Variants in PDE11A observed in about 807,000 individuals in gnomAD.
The protein encoded by PDE11A is phosphodiesterase 11A, also known as dual 3',5'-cyclic-AMP and -GMP phosphodiesterase 11A.
In PDE11A, 100 loss-of-function variants were observed where a neutral mutation model predicts 100.5. The ratio of observed to expected loss-of-function variants is 1.00; its 90% CI spans 0.85 to 1.18. PDE11A has a LOEUF of 1.18. Ranked by LOEUF, PDE11A falls within the 50% of genes most tolerant of loss-of-function variation. PDE11A has a pLI of 0.00. For missense variants in PDE11A, 1,141 were observed against 1,152.6 expected, an observed-to-expected ratio of 0.99 and a Z score of 0.15; for synonymous variants, 381 against 420.8, an observed-to-expected ratio of 0.91 and a Z score of 1.16.
intron 2 of PDE11A, chr2:177,922,097 G>A (rs941641627): frequency 6.6e-6 from 1 of 151,852 alleles, no homozygotes; most frequent in African/African-American, 2.4e-5. Context: ...AGCATTCCTC[G>A]AGGCTTGATT....
Position 178,104,441 on chromosome 2 carries a change from G to A in PDE11A, c.23C>T (p.Pro8Leu). 6.2e-7 allele frequency: 1 copy of A among 1,613,972 alleles called. No homozygotes were observed. Among genetic ancestry groups the A allele is most frequent in the Non-Finnish European group, 8.5e-7 (1 of 1,179,958 alleles). The change falls in exon 2 of 21, where the codon CCT becomes CTT. Residue 8 changes from proline (P) to leucine (L), a missense_variant. Physicochemically the swap from Pro to Leu is moderately conservative, Grantham distance 98. Coordinates refer to the PDE11A transcript ENST00000358450. ...GGCACTGAGCACATTTCTGAATAAA[G>A]GTCTTCTTGCCTGCTTCAGCATCTC...
chr2:178,026,915 C>G (rs1180190160), intron 1 of PDE11A, among the ~76,000 whole-genome samples: 1 of 151,982 alleles, frequency 6.6e-6, no homozygotes, highest in Non-Finnish European at 1.5e-5. Flanking sequence ...AGAATAAAGA[C>G]TTAAATGTAC....
intron 2 of PDE11A, chr2:178,011,859 G>A (rs1213212536): frequency 1.3e-5 from 2 of 152,158 alleles, no homozygotes; most frequent in African/African-American, 2.4e-5. Context: ...CTTGCCCAAG[G>A]TTACTGAGGC....
chr2:178,042,124 G>T (rs1374635066), intron 1 of PDE11A, among the ~76,000 whole-genome samples: 2 of 152,130 alleles, frequency 1.3e-5, no homozygotes, highest in Non-Finnish European at 2.9e-5. Context: ...GCCTCAGCTG[G>T]CTTCACATAC....
rs537121870 is a variant in PDE11A at position 177,791,428 on chromosome 2, C to T, written c.1738-22055G>A. 4.3e-4 allele frequency among the ~76,000 whole-genome samples: 64 copies of T among 149,398 alleles called. 1 individual carries two copies. Among genetic ancestry groups the T allele is most frequent in the African/African-American group, 1.5e-3 (62 of 40,604 alleles). ...GGGAGGGATAGCATTAGGAGATATACCTAATGTTAAATGACGAGTTAATGG... is the reference window on the plus strand; with the variant it reads ...GGGAGGGATAGCATTAGGAGATATATCTAATGTTAAATGACGAGTTAATGG... On this transcript the variant is annotated intron_variant, in intron 9 of 19. Coordinates refer to ENST00000286063, the MANE Select transcript of PDE11A (RefSeq NM_016953.4).
At position 177,775,854 on chromosome 2, in the gene PDE11A, A is replaced by G. The variant is rs1574129783; in HGVS notation, c.1738-6481T>C. On this transcript the variant is annotated intron_variant, in intron 9 of 19. Coordinates refer to ENST00000286063, the MANE Select transcript of PDE11A (RefSeq NM_016953.4). ...CTGTTTCCTTCATGCCACTTGCACA[A>G]TTGGAGTTGCCTGTTATCTTATTCA... Among the ~76,000 whole-genome samples the G allele has an allele frequency of 2.0e-5, 3 of 152,132 alleles. No individual in the cohort carries two copies. In the South Asian group the frequency reaches 6.2e-4, roughly 32 times the overall value.
chr2:178,002,622 G>A (rs534130717), intron 2 of PDE11A, among the ~76,000 whole-genome samples: 3 of 152,218 alleles, frequency 2.0e-5, no homozygotes, highest in East Asian at 3.9e-4. Context: ...TGGTCGAATT[G>A]GCTTAGGTCA....
intron 12 of PDE11A, among the ~76,000 whole-genome samples, chr2:177,719,031 C>G (rs936364823): frequency 2.6e-5 from 4 of 152,156 alleles, no homozygotes; most frequent in African/African-American, 9.7e-5. Flanking sequence ...GCACTGTTTT[C>G]TAAAGAGAAG....
At chr2:177,765,559 C>T (rs747952162) in intron 10 of PDE11A, among the ~76,000 whole-genome samples, 4 of 152,212 alleles carry the variant, frequency 2.6e-5, no homozygotes, top group Non-Finnish European at 5.9e-5. Flanking sequence ...TAGGAAGGGG[C>T]CCTGCCACGG....
chr2:177,829,186 G>T (rs997588340), intron 6 of PDE11A, among the ~76,000 whole-genome samples: 1 of 152,004 alleles, frequency 6.6e-6, no homozygotes, highest in Non-Finnish European at 1.5e-5. Flanking sequence ...ACAGAGAGAG[G>T]AGCAGGCTTG....
At chr2:177,676,035 G>C in intron 16 of PDE11A, 2 of 217,198 alleles carry the variant, frequency 9.2e-6, no homozygotes, top group South Asian at 7.1e-5. Flanking sequence ...TTATGGGCAA[G>C]AGCTGTATCA....
chr2:177,999,073 C>G (rs1017930899), intron 2 of PDE11A, among the ~76,000 whole-genome samples: 2 of 152,200 alleles, frequency 1.3e-5, no homozygotes, highest in African/African-American at 2.4e-5. Flanking sequence ...TGTCCTGTGA[C>G]TGTCCTAATC....
intron 16 of PDE11A, among the ~76,000 whole-genome samples, chr2:177,679,364 A>G (rs1337143948): frequency 6.6e-6 from 1 of 152,200 alleles, no homozygotes; most frequent in Non-Finnish European, 1.5e-5. Flanking sequence ...ATTGGTATGT[A>G]AATATACAAT....
intron 6 of PDE11A, among the ~76,000 whole-genome samples, chr2:177,828,003 T>G (rs980223761): frequency 6.6e-6 from 1 of 152,236 alleles, no homozygotes; most frequent in African/African-American, 2.4e-5. Context: ...GATATTATAT[T>G]ATTTCAATAA....
At chr2:177,701,069 A>C in intron 14 of PDE11A, 52 bp downstream of exon 14, 1 of 976,782 alleles carries the variant, frequency 1.0e-6, no homozygotes, top group Non-Finnish European at 1.7e-6. Flanking sequence ...GGAGGAAACA[A>C]AGAGTTGTTT....
chr2:177,628,674 T>A lies in PDE11A; in HGVS notation c.*733A>T, dbSNP rs922149178. The A allele has an allele frequency of 6.6e-6, 1 of 152,474 alleles. No homozygotes were observed. The allele number at this position is 152,474 out of a possible 1,614,324, so 9.4% of individuals were successfully genotyped here. On this transcript the variant is annotated 3_prime_UTR_variant, in exon 20 of 20. Transcript: ENST00000286063. ...TTCCACCCTTACTTTAATCAAAATC[T>A]ATCAATCCATTCCTTCTGGGAGAAA...
chr2:177,711,529 A>T (rs1454207692), intron 13 of PDE11A, among the ~76,000 whole-genome samples: 1 of 152,242 alleles, frequency 6.6e-6, no homozygotes. Flanking sequence ...AAGCTTTGTT[A>T]TCTGAGTAAG....
intron 2 of PDE11A, among the ~76,000 whole-genome samples, chr2:177,952,587 T>G (rs1182980303): frequency 2.0e-5 from 3 of 152,212 alleles, no homozygotes; most frequent in African/African-American, 4.8e-5. Context: ...GGTTCAGCTT[T>G]CTTTCTTTTA....
Position 177,840,302 on chromosome 2 carries a change from G to T in PDE11A, c.1449C>A (p.Gly483=), listed in dbSNP as rs746279991. The T allele has an allele frequency of 5.1e-5, 83 of 1,613,722 alleles. 1 individual carries two copies. The Admixed American group carries it at 1.4e-3, about 27-fold the overall frequency. The part of the protein sequence containing the change: ...NSIAELVAST[G]LPVNISDAYQ... ...AGGCATCACTGATGTTCACTGGAAG[G>T]CCTGTTGAAGCAACCAGCTCAGCAA... The change falls in exon 6 of 20, where the codon GGC becomes GGA. Residue 483 remains glycine (G), a synonymous_variant. Coordinates refer to ENST00000286063, the MANE Select transcript of PDE11A (RefSeq NM_016953.4).
Sources: allele counts gnomAD v4.1 joint callset (sites outside exome capture counted in the v4.1 genomes callset), GRCh38; gene constraint gnomAD v4.1.1; transcripts MANE v1.5; gene names NCBI Gene and HGNC (gene_info 2026-07-23, HGNC 2026-07-21).